The following DOCK10 variants were observed in gnomAD, a reference collection of about 807,000 sequenced individuals.
DOCK10 encodes dedicator of cytokinesis 10.
A neutral mutation model predicts 280.1 loss-of-function variants in DOCK10; 145 were observed. The observed-to-expected ratio is 0.52, with a 90% confidence interval of 0.45 to 0.59. DOCK10 has a LOEUF of 0.59. Among genes scored for constraint, DOCK10 ranks in the 20% least tolerant of loss-of-function variants. The pLI, the probability that DOCK10 is intolerant of heterozygous loss-of-function variation, is 0.00. For synonymous variants in DOCK10, 915 were observed against 942.2 expected (o/e 0.97, Z 0.53); for missense variants, 2,368 against 2,651.7 (o/e 0.89, Z 2.35).
intron 1 of DOCK10, chr2:224,946,757 C>G (rs1283774525): frequency 6.2e-6 from 6 of 975,230 alleles, no homozygotes; most frequent in Non-Finnish European, 8.7e-6. Flanking sequence ...CCAGCAGCCT[C>G]TGCTAGAATA....
chr2:224,895,481 C>T (rs967760521), intron 4 of DOCK10, among the ~76,000 whole-genome samples: 50 of 152,268 alleles, frequency 3.3e-4, no homozygotes, highest in African/African-American at 1.1e-3. Flanking sequence ...ATATGAGCAA[C>T]TCCAAACCCA....
intron 8 of DOCK10, among the ~76,000 whole-genome samples, chr2:224,875,701 T>C (rs1432953835): frequency 6.6e-6 from 1 of 152,220 alleles, no homozygotes; most frequent in East Asian, 1.9e-4. Flanking sequence ...GATTCATTAA[T>C]TAAATTTAAT....
chr2:225,025,087 A>G (rs980133649), intron 1 of DOCK10, among the ~76,000 whole-genome samples: 13 of 152,188 alleles, frequency 8.5e-5, no homozygotes, highest in African/African-American at 2.9e-4. Flanking sequence ...TTATAGAAAA[A>G]GTAGAAAACA....
chr2:224,816,433 A>G (rs1482723326), intron 30 of DOCK10, among the ~76,000 whole-genome samples, 184 bp downstream of exon 30: 1 of 152,168 alleles, frequency 6.6e-6, no homozygotes, highest in Non-Finnish European at 1.5e-5. Flanking sequence ...ATTCATCACC[A>G]CATGCCAACA....
intron 1 of DOCK10, chr2:224,983,836 C>T (rs1190675938): frequency 4.2e-6 from 2 of 470,934 alleles, no homozygotes; most frequent in African/African-American, 2.0e-5. Context: ...AAAAAAAATG[C>T]TAATGATGCT....
chr2:224,978,894 C>T (rs778640936), intron 1 of DOCK10, among the ~76,000 whole-genome samples: 6 of 152,200 alleles, frequency 3.9e-5, no homozygotes, highest in Admixed American at 1.3e-4. Context: ...ATCTGAATGG[C>T]AACTTGGTTC....
intron 28 of DOCK10, among the ~76,000 whole-genome samples, chr2:224,822,981 T>C (rs1350430674): frequency 6.6e-6 from 1 of 151,988 alleles, no homozygotes; most frequent in African/African-American, 2.4e-5. Flanking sequence ...TAGTTTTTTT[T>C]TTCTTTCTTC....
chr2:224,983,482 TC>T (rs1272005361), intron 1 of DOCK10: 1 of 214,356 alleles, frequency 4.7e-6, no homozygotes, highest in African/African-American at 2.3e-5. Flanking sequence ...AGCTAATTCT[TC>T]CAGTGTAACT....
chr2:225,014,837 G>C (rs1689548721), intron 1 of DOCK10, among the ~76,000 whole-genome samples: 1 of 152,118 alleles, frequency 6.6e-6, no homozygotes, highest in South Asian at 2.1e-4. Flanking sequence ...AATTTCAGGG[G>C]ATCTAATTTT....
At chr2:224,917,854 GTCTGTGCACC>G (rs1177466735) in intron 2 of DOCK10, among the ~76,000 whole-genome samples, 1 of 152,104 alleles carries the variant, frequency 6.6e-6, no homozygotes, top group Non-Finnish European at 1.5e-5. Context: ...GCTTCCTTTA[GTCTGTGCACC>G]TCAGTAGTTA....
intron 2 of DOCK10, among the ~76,000 whole-genome samples, chr2:224,920,366 G>A (rs536436359): frequency 3.2e-4 from 48 of 151,700 alleles, no homozygotes; most frequent in African/African-American, 1.1e-3. Context: ...GAGCCACTGT[G>A]CCTGGCCTAC....
chr2:224,956,469 C>T (rs1704040572), intron 1 of DOCK10, among the ~76,000 whole-genome samples: 2 of 151,818 alleles, frequency 1.3e-5, no homozygotes, highest in Non-Finnish European at 2.9e-5. Context: ...ACTAAAAATA[C>T]AAAAATGAGC....
At chr2:224,985,878 T>G (rs559356006) in intron 1 of DOCK10, among the ~76,000 whole-genome samples, 4 of 152,322 alleles carry the variant, frequency 2.6e-5, no homozygotes, top group East Asian at 3.9e-4. Context: ...CCAAAGACCT[T>G]TTTACAATGG....
intron 31 of DOCK10, among the ~76,000 whole-genome samples, chr2:224,810,483 T>A (rs956534718): frequency 2.0e-5 from 3 of 152,126 alleles, no homozygotes; most frequent in South Asian, 2.1e-4. Flanking sequence ...TTTCTTTTTT[T>A]AAATTTTATT....
intron 1 of DOCK10, among the ~76,000 whole-genome samples, chr2:224,969,512 G>A (rs572845499): frequency 7.4e-4 from 113 of 152,234 alleles, no homozygotes; most frequent in African/African-American, 2.6e-3. Context: ...GAGTCCTCCA[G>A]GGCTGTTCAC....
At chr2:224,777,834 T>G (rs988547376) in intron 51 of DOCK10, among the ~76,000 whole-genome samples, 10 of 152,228 alleles carry the variant, frequency 6.6e-5, no homozygotes, top group Non-Finnish European at 1.0e-4. Context: ...AACTTGCTGT[T>G]TTCTCCAATT....
intron 18 of DOCK10, 68 bp downstream of exon 18, chr2:224,852,309 A>G: frequency 1.6e-6 from 2 of 1,219,948 alleles, no homozygotes; most frequent in Admixed American, 2.1e-5. Context: ...AAAGCCCTGC[A>G]ATGGTGGAAA....
intron 55 of DOCK10, among the ~76,000 whole-genome samples, chr2:224,767,237 C>T (rs1255805184): frequency 6.6e-6 from 1 of 152,010 alleles, no homozygotes; most frequent in Non-Finnish European, 1.5e-5. Context: ...GATATCAGCT[C>T]ACTGCAACCT....
At chr2:225,035,671 TG>T (rs1270192815) in intron 1 of DOCK10, among the ~76,000 whole-genome samples, 1 of 144,124 alleles carries the variant, frequency 6.9e-6, no homozygotes, top group Non-Finnish European at 1.5e-5. Context: ...AATTGTGTGT[TG>T]TATTAGTCAG....
Sources: gnomAD v4.1 joint callset for allele counts (sites outside exome capture counted in the v4.1 genomes callset) on GRCh38, gnomAD v4.1.1 for gene constraint, MANE v1.5 for transcripts, NCBI Gene and HGNC (gene_info 2026-07-23, HGNC 2026-07-21) for gene names.